Variants in SFMBT1 observed in about 807,000 individuals in gnomAD.
SFMBT1 encodes Scm like with four mbt domains 1.
A neutral mutation model predicts 108.7 loss-of-function variants in SFMBT1; 32 were observed. The observed-to-expected ratio is 0.29, with a 90% CI of 0.22 to 0.40. The LOEUF (loss-of-function observed/expected upper bound fraction) is 0.40. Ranked by LOEUF, SFMBT1 falls within the 10% of genes least tolerant of loss-of-function variation. The pLI is 1.00. For synonymous variants in SFMBT1, 348 were observed against 369.5 expected (o/e 0.94, Z 0.67); for missense variants, 816 against 1,059.6 (o/e 0.77, Z 3.19).
chr3:52,952,212 G>T (rs1703620230), intron 3 of SFMBT1, among the ~76,000 whole-genome samples: 1 of 152,108 alleles, frequency 6.6e-6, no homozygotes, highest in African/African-American at 2.4e-5. Flanking sequence ...CAAAAAATTG[G>T]CCGGGTGTGA....
At chr3:52,906,819 C>T (rs978983614) in intron 19 of SFMBT1, among the ~76,000 whole-genome samples, 1 of 152,070 alleles carries the variant, frequency 6.6e-6, no homozygotes, top group Non-Finnish European at 1.5e-5. Context: ...AGCAATGGGG[C>T]TTTTTTTGTT....
chr3:52,989,148 T>G (rs1705031322), intron 1 of SFMBT1, among the ~76,000 whole-genome samples: 1 of 152,198 alleles, frequency 6.6e-6, no homozygotes, highest in South Asian at 2.1e-4. Flanking sequence ...TTCCTACCAC[T>G]AAATTATTAT....
At chr3:52,940,825 TC>T (rs1427631438) in intron 4 of SFMBT1, among the ~76,000 whole-genome samples, 1 of 150,452 alleles carries the variant, frequency 6.6e-6, no homozygotes, top group African/African-American at 2.4e-5. Flanking sequence ...ACGAACCTAA[TC>T]AAGTGATGGA....
intron 14 of SFMBT1, among the ~76,000 whole-genome samples, chr3:52,914,694 A>G (rs958702590): frequency 9.2e-5 from 14 of 152,192 alleles, no homozygotes; most frequent in South Asian, 2.1e-4. Context: ...CAGTGAGCTG[A>G]TATCACTGCA....
intron 13 of SFMBT1, among the ~76,000 whole-genome samples, chr3:52,918,161 C>A: frequency 6.6e-6 from 1 of 152,194 alleles, no homozygotes; most frequent in Non-Finnish European, 1.5e-5. Context: ...TGTGACAAAT[C>A]ATACCCTAAT....
chr3:52,927,382 A>G (rs1702688520), intron 9 of SFMBT1, among the ~76,000 whole-genome samples: 1 of 152,228 alleles, frequency 6.6e-6, no homozygotes, highest in African/African-American at 2.4e-5. Flanking sequence ...AAAGGTTCTG[A>G]GTTTATGACC....
At chr3:52,982,819 C>G (rs1198793753) in intron 1 of SFMBT1, among the ~76,000 whole-genome samples, 1 of 146,698 alleles carries the variant, frequency 6.8e-6, no homozygotes, top group African/African-American at 2.5e-5. Context: ...CAGAAGACGA[C>G]TTGATGGAGA....
rs1703897974 is a variant in SFMBT1 at position 52,959,711 on chromosome 3, G to A, written c.29-5300C>T. 2.6e-5 allele frequency among the ~76,000 whole-genome samples: 4 copies of A among 152,104 alleles called. No individual in the cohort carries two copies. In the South Asian group the frequency reaches 8.3e-4, roughly 32 times the overall value. ...ATTCATTCCTATTGACAATATACCT[G>A]TTAGATCATAAACTCCATAAAGTCA... On this transcript the variant is annotated intron_variant, in intron 2 of 20. Coordinates refer to ENST00000394752, the MANE Select transcript of SFMBT1 (RefSeq NM_016329.4).
chr3:53,036,402 C>T (rs762327958), intron 1 of SFMBT1, among the ~76,000 whole-genome samples: 8 of 152,242 alleles, frequency 5.3e-5, no homozygotes, highest in Non-Finnish European at 1.0e-4. Flanking sequence ...CAGAACTGTA[C>T]GTTCTAACTC....
intron 1 of SFMBT1, among the ~76,000 whole-genome samples, chr3:53,032,356 C>T (rs934287714): frequency 2.0e-5 from 3 of 152,058 alleles, no homozygotes; most frequent in Admixed American, 6.6e-5. Context: ...GGTGACAGAG[C>T]GAGACCCTGT....
chr3:52,914,370 A>G (rs544198908), intron 14 of SFMBT1, among the ~76,000 whole-genome samples: 2 of 152,344 alleles, frequency 1.3e-5, no homozygotes, highest in Non-Finnish European at 2.9e-5. Flanking sequence ...TGTTAAGGAA[A>G]GATATGCGCA....
In SFMBT1 at chr3:53,004,212, TCCTC is replaced by T. The variant is rs1174237348; in HGVS notation, c.-130-34958_-130-34955del. 1.6e-4 allele frequency among the ~76,000 whole-genome samples: 24 copies of T among 145,832 alleles called. 1 individual carries two copies. In the East Asian group the frequency reaches 3.3e-3, roughly 20 times the overall value. The stretch of plus-strand genomic sequence containing the variant: ...TTCCTTCCTTCCTTCTTCCCTTCCT[TCCTC>T]CCTCCCTCCCTCCCTTCCTCCTTCC... On this transcript the variant is annotated intron_variant, in intron 1 of 20. Transcript: ENST00000394752.
chr3:52,944,800 C>T lies in SFMBT1; in HGVS notation c.124-1207G>A, dbSNP rs368817410. Among the ~76,000 whole-genome samples, 11 of 152,028 alleles carry T rather than the reference C, an allele frequency of 7.2e-5. No individual in the cohort carries two copies. In the East Asian group the frequency reaches 1.2e-3, roughly 16 times the overall value. ...CCTCCCAAAGTGTTGGGATTACAGG[C>T]GTGAGCCACCAGGCCCGGCCTCTTT... is the stretch of plus-strand genomic sequence containing the variant. On this transcript the variant is annotated intron_variant, in intron 3 of 20. Transcript: ENST00000394752.
intron 1 of SFMBT1, among the ~76,000 whole-genome samples, chr3:53,038,896 A>G (rs1022708161): frequency 3.3e-5 from 5 of 152,186 alleles, no homozygotes; most frequent in Non-Finnish European, 5.9e-5. Context: ...CTTATTTACA[A>G]TTCTGAACAC....
At chr3:52,929,414 T>C (rs1702789372) in intron 8 of SFMBT1, among the ~76,000 whole-genome samples, 1 of 152,162 alleles carries the variant, frequency 6.6e-6, no homozygotes, top group Non-Finnish European at 1.5e-5. Context: ...TAATTTTGTA[T>C]TTTTAGTAGA....
intron 1 of SFMBT1, among the ~76,000 whole-genome samples, chr3:53,007,790 CA>C (rs1698798035): frequency 6.6e-6 from 1 of 152,084 alleles, no homozygotes; most frequent in South Asian, 2.1e-4. Context: ...AATAATTTAG[CA>C]GTAGAAAAAT....
chr3:52,965,648 G>T (rs978799439), intron 2 of SFMBT1, among the ~76,000 whole-genome samples: 1 of 151,342 alleles, frequency 6.6e-6, no homozygotes, highest in Non-Finnish European at 1.5e-5. Flanking sequence ...AATGAATGGG[G>T]AAATCAACAT....
At chr3:52,921,173 C>T (rs1702509423) in intron 11 of SFMBT1, among the ~76,000 whole-genome samples, 1 of 152,184 alleles carries the variant, frequency 6.6e-6, no homozygotes, top group Admixed American at 6.6e-5. Context: ...AAATCAGAAA[C>T]AGTAGGTACC....
intron 1 of SFMBT1, among the ~76,000 whole-genome samples, chr3:53,006,569 T>C (rs1314474949): frequency 6.7e-6 from 1 of 148,962 alleles, no homozygotes; most frequent in Non-Finnish European, 1.5e-5. Context: ...ACAGAGGTTG[T>C]AGTGAGCCGA....
Sources: allele counts gnomAD v4.1 joint callset (sites outside exome capture counted in the v4.1 genomes callset), GRCh38; gene constraint gnomAD v4.1.1; transcripts MANE v1.5; gene names NCBI Gene and HGNC (gene_info 2026-07-23, HGNC 2026-07-21).